CHIC1: variants seen among roughly 807,000 people sequenced by gnomAD.
CHIC1 encodes cysteine-rich hydrophobic domain-containing protein 1.
A neutral mutation model predicts 18.5 loss-of-function variants in CHIC1; 7 were observed. That is an observed-to-expected ratio of 0.38 (90% CI 0.22 to 0.71). CHIC1 has a LOEUF of 0.71. Among genes scored for constraint, CHIC1 ranks in the 30% least tolerant of loss-of-function variants. CHIC1 has a pLI of 0.49. For missense variants in CHIC1, 159 were observed against 176.9 expected (o/e 0.90, Z 0.57); for synonymous variants, 77 against 73.5 (o/e 1.05, Z -0.25).
intron 3 of CHIC1, among the ~76,000 whole-genome samples, chrX:73,592,409 T>C (rs2057586353): frequency 8.9e-6 from 1 of 111,838 alleles, no homozygotes; most frequent in African/African-American, 3.2e-5. Context: ...TAAGGGTTTT[T>C]ATGAAGTGAA....
At position 73,563,272 on chromosome X, in the gene CHIC1, G is replaced by A; in HGVS notation, c.-13G>A. On this transcript the variant is annotated 5_prime_UTR_variant, in exon 1 of 6. Coordinates refer to ENST00000373502, the MANE Select transcript of CHIC1 (RefSeq NM_001039840.4). ...CTTCTCCGGGAGCGTGGCGGCGATC[G>A]CGAGGTCACGTGATGAGCATCCTGC... is the stretch of plus-strand genomic sequence containing the variant. The A allele has an allele frequency of 9.1e-7, 1 of 1,093,648 alleles. No homozygotes were observed. Among genetic ancestry groups the A allele is most frequent in the Admixed American group, 3.5e-5 (1 of 28,883 alleles). The allele number at this position is 1,093,648 out of a possible 1,213,427, so 90.1% of individuals were successfully genotyped here.
rs761724838 is a variant in CHIC1 at position 73,623,060 on chromosome X, A to T, written c.507+38488A>T. On this transcript the variant is annotated intron_variant, in intron 3 of 5. Transcript: ENST00000373502. ...CACTGTGGTCTGAGAGACTGTTATG[A>T]TTTCTGTTCTTTTGCATTTGCTGAG... Among the ~76,000 whole-genome samples, 3 of 111,395 alleles carry T rather than the reference A, an allele frequency of 2.7e-5. No individual in the cohort carries two copies. The East Asian group carries it at 8.5e-4, about 31-fold the overall frequency.
At chrX:73,583,687 A>G (rs1203225951) in intron 2 of CHIC1, among the ~76,000 whole-genome samples, 1 of 111,696 alleles carries the variant, frequency 9.0e-6, no homozygotes, top group Non-Finnish European at 1.9e-5. Context: ...AGTCATGTGC[A>G]TGCCTTTGAA....
intron 3 of CHIC1, among the ~76,000 whole-genome samples, chrX:73,645,058 C>T (rs866021665): frequency 2.7e-5 from 3 of 112,202 alleles, no homozygotes; most frequent in South Asian, 3.7e-4. Context: ...CCGTCTTCTG[C>T]GTCGCTCACG....
At chrX:73,673,784 T>C (rs1432654301) in intron 3 of CHIC1, among the ~76,000 whole-genome samples, 1 of 111,847 alleles carries the variant, frequency 8.9e-6, no homozygotes, top group Non-Finnish European at 1.9e-5. Context: ...TCCAACACTA[T>C]GTTGAATAGG....
chrX:73,584,328 A>G (rs2057542270), intron 2 of CHIC1, 89 bp from the exon 3 acceptor site: 2 of 827,824 alleles, frequency 2.4e-6, no homozygotes, highest in Non-Finnish European at 3.3e-6. Context: ...GTGATTCCTT[A>G]AATTATTTGT....
chrX:73,666,982 G>C (rs2058007306), intron 3 of CHIC1, among the ~76,000 whole-genome samples: 1 of 111,683 alleles, frequency 9.0e-6, no homozygotes, highest in Non-Finnish European at 1.9e-5. Context: ...TTGTGTGGGA[G>C]TCTAAGCATT....
intron 1 of CHIC1, among the ~76,000 whole-genome samples, chrX:73,570,257 G>A (rs912328902): frequency 9.0e-6 from 1 of 111,372 alleles, no homozygotes; most frequent in African/African-American, 3.3e-5. Flanking sequence ...TTACAGCAGG[G>A]GTTGGAACTT....
At chrX:73,664,449 G>A (rs975549512) in intron 3 of CHIC1, among the ~76,000 whole-genome samples, 2 of 110,508 alleles carry the variant, frequency 1.8e-5, no homozygotes, top group African/African-American at 3.3e-5. Flanking sequence ...TGACATGCTC[G>A]TATAAGTTCC....
intron 3 of CHIC1, among the ~76,000 whole-genome samples, chrX:73,604,136 G>T (rs1206294613): frequency 1.9e-5 from 2 of 105,133 alleles, no homozygotes; most frequent in Non-Finnish European, 3.8e-5. Flanking sequence ...TCTGGCCCTG[G>T]GCTTTTTTCA....
At chrX:73,676,479 A>G (rs2058063723) in intron 3 of CHIC1, among the ~76,000 whole-genome samples, 1 of 110,929 alleles carries the variant, frequency 9.0e-6, no homozygotes, top group Non-Finnish European at 1.9e-5. Flanking sequence ...CATTTCATTC[A>G]TTTCGTCTTC....
intron 1 of CHIC1, among the ~76,000 whole-genome samples, chrX:73,572,550 C>T (rs999344847): frequency 1.8e-5 from 2 of 111,350 alleles, no homozygotes; most frequent in Non-Finnish European, 3.8e-5. Flanking sequence ...CTGCTTTCTA[C>T]AGTAGCTGAA....
At position 73,596,758 on chromosome X, in the gene CHIC1, C is replaced by T. The variant is rs1054177978; in HGVS notation, c.507+12186C>T. Reference sequence around the variant, plus strand: ...AATCACCTGATCTTTGACAAACTTGCCAAAAACAAGCAATAGGGAAAGGAT... The same window carrying T: ...AATCACCTGATCTTTGACAAACTTGTCAAAAACAAGCAATAGGGAAAGGAT... On this transcript the variant is annotated intron_variant, in intron 3 of 5. Coordinates refer to ENST00000373502, the MANE Select transcript of CHIC1 (RefSeq NM_001039840.4). Among the ~76,000 whole-genome samples, 15 of 110,679 alleles carry T rather than the reference C, an allele frequency of 1.4e-4. 1 individual carries two copies. The highest frequency in any genetic ancestry group is 1.7e-4 in the Non-Finnish European group (9 of 52,866).
At chrX:73,594,443 G>A (rs370093912) in intron 3 of CHIC1, among the ~76,000 whole-genome samples, 3 of 111,524 alleles carry the variant, frequency 2.7e-5, no homozygotes, top group East Asian at 5.7e-4. Flanking sequence ...CTTTCAGAGG[G>A]TCATGGTTCT....
chrX:73,610,042 ACAC>A (rs1437846791), intron 3 of CHIC1, among the ~76,000 whole-genome samples: 1 of 107,321 alleles, frequency 9.3e-6, no homozygotes, highest in African/African-American at 3.6e-5. Context: ...TCCCCCAATC[ACAC>A]ACCCTTCCAA....
At chrX:73,632,653 T>C (rs1470671956) in intron 3 of CHIC1, among the ~76,000 whole-genome samples, 2 of 111,203 alleles carry the variant, frequency 1.8e-5, no homozygotes, top group Non-Finnish European at 3.8e-5. Context: ...ATTTTTTCCT[T>C]TTTATGTTAT....
chrX:73,564,422 G>C (rs1415456122), intron 1 of CHIC1, among the ~76,000 whole-genome samples: 1 of 111,334 alleles, frequency 9.0e-6, no homozygotes, highest in Non-Finnish European at 1.9e-5. Flanking sequence ...ATTTATCCAG[G>C]GTGGTTTTTT....
intron 3 of CHIC1, among the ~76,000 whole-genome samples, chrX:73,643,513 C>G (rs774736802): frequency 8.9e-6 from 1 of 111,892 alleles, no homozygotes; most frequent in Non-Finnish European, 1.9e-5. Flanking sequence ...ACCAATCAGA[C>G]GTAGATTTGG....
intron 3 of CHIC1, among the ~76,000 whole-genome samples, chrX:73,615,271 G>T (rs57936860): frequency 0.15 from 16,490 of 110,839 alleles, 999 homozygotes; most frequent in Non-Finnish European, 0.16. Flanking sequence ...CGGGTCCCCA[G>T]ACAGCATATG....
Sources: allele counts gnomAD v4.1 joint callset (sites outside exome capture counted in the v4.1 genomes callset), GRCh38; gene constraint gnomAD v4.1.1; transcripts MANE v1.5; gene names NCBI Gene and HGNC (gene_info 2026-07-23, HGNC 2026-07-21).